LIMCH1: variants seen among roughly 807,000 people sequenced by gnomAD.
The protein encoded by LIMCH1 is LIM and calponin homology domains-containing protein 1.
LIMCH1 carries 113 observed loss-of-function variants against 176.5 expected under a neutral mutation model. That is an observed-to-expected ratio of 0.64 (90% CI 0.55 to 0.75). The LOEUF (loss-of-function observed/expected upper bound fraction) is 0.75. Among genes scored for constraint, LIMCH1 ranks in the 30% least tolerant of loss-of-function variants. The pLI is 0.00. For missense variants in LIMCH1, 1,674 were observed against 1,814.9 expected (o/e 0.92, Z 1.41); for synonymous variants, 619 against 645.9 (o/e 0.96, Z 0.63).
chr4:41,683,229 A>C (rs1255339919), intron 26 of LIMCH1, among the ~76,000 whole-genome samples: 1 of 152,130 alleles, frequency 6.6e-6, no homozygotes, highest in Admixed American at 6.6e-5. Context: ...ATAAAGCATA[A>C]CCAACTAATT....
chr4:41,413,797 G>A (rs763627490), intron 1 of LIMCH1, among the ~76,000 whole-genome samples: 3 of 152,094 alleles, frequency 2.0e-5, no homozygotes, highest in Non-Finnish European at 4.4e-5. Flanking sequence ...ATGTAAAGCC[G>A]ACCTCAAGTA....
chr4:41,576,730 A>G (rs1203773262), intron 1 of LIMCH1, among the ~76,000 whole-genome samples: 2 of 152,156 alleles, frequency 1.3e-5, no homozygotes, highest in African/African-American at 4.8e-5. Context: ...GTTTAGCCTA[A>G]TTTGAGTGTA....
At chr4:41,477,788 A>T (rs2067976529) in intron 1 of LIMCH1, among the ~76,000 whole-genome samples, 1 of 152,340 alleles carries the variant, frequency 6.6e-6, no homozygotes, top group African/African-American at 2.4e-5. Context: ...ACTGAGAGCC[A>T]TTCAAATAAC....
At chr4:41,588,091 C>G (rs2086807168) in intron 1 of LIMCH1, among the ~76,000 whole-genome samples, 1 of 152,024 alleles carries the variant, frequency 6.6e-6, no homozygotes, top group Admixed American at 6.5e-5. Flanking sequence ...CCCCTTCCCC[C>G]CACCCCACAA....
At chr4:41,598,133 T>C (rs138359954) in intron 1 of LIMCH1, among the ~76,000 whole-genome samples, 3 of 152,312 alleles carry the variant, frequency 2.0e-5, no homozygotes, top group Non-Finnish European at 4.4e-5. Flanking sequence ...GACTTGTAGC[T>C]GGTAAACTTC....
chr4:41,360,642 G>A (rs10018707), upstream of LIMCH1: 39,016 of 297,110 alleles, frequency 0.13, 2,705 homozygotes, highest in Middle Eastern at 0.16. This position sits in a 1 kb window ranked among gnomAD's most constrained non-coding sequence, Gnocchi z 4.5. Context: ...CGGCGCGTTG[G>A]AGCCCGGGCG....
chr4:41,396,852 G>A (rs2154114542), intron 1 of LIMCH1, among the ~76,000 whole-genome samples: 1 of 152,154 alleles, frequency 6.6e-6, no homozygotes, highest in Non-Finnish European at 1.5e-5. Flanking sequence ...AATGAGCCAA[G>A]TGGTGCCACT....
At chr4:41,651,285 C>T (rs2094287787) in intron 18 of LIMCH1, among the ~76,000 whole-genome samples, 1 of 152,156 alleles carries the variant, frequency 6.6e-6, no homozygotes, top group South Asian at 2.1e-4. Context: ...GGATTACAGG[C>T]ATGAGCTACC....
At chr4:41,649,943 C>G (rs780427760) in intron 17 of LIMCH1, among the ~76,000 whole-genome samples, 3 of 152,204 alleles carry the variant, frequency 2.0e-5, no homozygotes, top group African/African-American at 2.4e-5. Context: ...CCTGCTACCA[C>G]CATGGGATAA....
At chr4:41,511,574 A>G (rs1019654939) in intron 2 of LIMCH1, among the ~76,000 whole-genome samples, 3 of 152,226 alleles carry the variant, frequency 2.0e-5, no homozygotes, top group African/African-American at 4.8e-5. Context: ...ATTAGATGAT[A>G]AATTCCTTGA....
intron 3 of LIMCH1, among the ~76,000 whole-genome samples, chr4:41,527,689 G>A (rs924285752): frequency 6.6e-6 from 1 of 152,106 alleles, no homozygotes; most frequent in Non-Finnish European, 1.5e-5. Flanking sequence ...CAGGCGCGGT[G>A]GTGGGCGCCT....
At chr4:41,672,345 G>C (rs895201337) in intron 22 of LIMCH1, among the ~76,000 whole-genome samples, 7 of 152,116 alleles carry the variant, frequency 4.6e-5, no homozygotes, top group African/African-American at 7.2e-5. Flanking sequence ...ACTGCAGCCT[G>C]GGTGACAGAG....
intron 1 of LIMCH1, among the ~76,000 whole-genome samples, chr4:41,555,396 G>A (rs953136876): frequency 2.0e-5 from 3 of 152,168 alleles, no homozygotes; most frequent in South Asian, 2.1e-4. Flanking sequence ...CTAGTTGACC[G>A]CCTTCCATTG....
intron 3 of LIMCH1, among the ~76,000 whole-genome samples, chr4:41,527,010 C>T (rs1264622913): frequency 6.6e-6 from 1 of 152,178 alleles, no homozygotes; most frequent in Non-Finnish European, 1.5e-5. Context: ...TGAATACTTT[C>T]CTCCTGCTCT....
Position 41,697,252 on chromosome 4 carries a change from A to G in LIMCH1, c.*67A>G. ...GAGAGTGTCCCCTGGCAACTGCTTA[A>G]CAAAATCCCAAGCTCAGGGGCTTCT... On this transcript the variant is annotated 3_prime_UTR_variant, in exon 32 of 32. Coordinates refer to ENST00000503057, the MANE Select transcript of LIMCH1 (RefSeq NM_001330672.2). The G allele has an allele frequency of 6.8e-6, 10 of 1,468,406 alleles. No homozygotes were observed. The highest frequency in any genetic ancestry group is 9.5e-6 in the Non-Finnish European group (10 of 1,049,130). The allele number at this position is 1,468,406 out of a possible 1,614,324, so 91.0% of individuals were successfully genotyped here. A position where few individuals can be genotyped will look rare whatever the true frequency, so the allele number is the denominator to read the frequency against.
At position 41,620,526 on chromosome 4, in the gene LIMCH1, G is replaced by A; in HGVS notation, c.561G>A (p.Gly187=). 1 of 1,536,426 alleles carries A rather than the reference G, an allele frequency of 6.5e-7. No homozygotes were observed. The highest frequency in any genetic ancestry group is 8.7e-7 in the Non-Finnish European group (1 of 1,146,984). The stretch of plus-strand genomic sequence containing the variant: ...CTGGTTGGAAGCCTTCCGATGGTGG[G>A]TGTGAATTACCTGACGGCAGTGGTA... The part of the protein sequence containing the change: ...MNPGWKPSDG[G]CELPDGSGKE... Residue 187 remains glycine (G), a synonymous_variant, in exon 7 of 32, where the codon GGG becomes GGA. Transcript: ENST00000503057.
intron 1 of LIMCH1, among the ~76,000 whole-genome samples, chr4:41,566,643 G>A (rs2082811813): frequency 6.6e-6 from 1 of 152,108 alleles, no homozygotes; most frequent in Admixed American, 6.5e-5. Context: ...AGTTTTCTAT[G>A]ATAACTATGT....
chr4:41,464,703 T>C (rs189709572), intron 1 of LIMCH1, among the ~76,000 whole-genome samples: 6 of 152,256 alleles, frequency 3.9e-5, no homozygotes. Flanking sequence ...GTCAAGTCTG[T>C]TCATTCTAAC....
intron 1 of LIMCH1, among the ~76,000 whole-genome samples, chr4:41,426,329 G>C (rs188929861): frequency 2.9e-4 from 44 of 152,304 alleles, no homozygotes; most frequent in Non-Finnish European, 4.7e-4. Flanking sequence ...CCCGTGAAAA[G>C]ATTCTTGTAA....
Sources: allele counts gnomAD v4.1 joint callset (sites outside exome capture counted in the v4.1 genomes callset), GRCh38; gene constraint gnomAD v4.1.1; non-coding constraint Gnocchi (gnomAD v3.1); transcripts MANE v1.5; gene names NCBI Gene and HGNC (gene_info 2026-07-23, HGNC 2026-07-21).